The following SCN8A variants were observed in gnomAD, a reference collection of about 807,000 sequenced individuals.
SCN8A encodes the protein sodium channel protein type 8 subunit alpha.
A neutral mutation model predicts 184.1 loss-of-function variants in SCN8A; 30 were observed. The ratio of observed to expected loss-of-function variants is 0.16; its 90% CI spans 0.12 to 0.22. SCN8A has a LOEUF of 0.22. Ranked by LOEUF, SCN8A falls within the 10% of genes least tolerant of loss-of-function variation. The pLI is 1.00. For synonymous variants in SCN8A, 852 were observed against 907.0 expected, an observed-to-expected ratio of 0.94 and a Z score of 1.09; for missense variants, 1,057 against 2,498.9, an observed-to-expected ratio of 0.42 and a Z score of 12.30.
chr12:51,645,391 C>T (rs1476908996), intron 1 of SCN8A, among the ~76,000 whole-genome samples: 1 of 151,830 alleles, frequency 6.6e-6, no homozygotes, highest in Non-Finnish European at 1.5e-5. Context: ...GGCGCCTCTG[C>T]CCGGCCGCGC....
chr12:51,630,485 A>T (rs1397830269), intron 1 of SCN8A, among the ~76,000 whole-genome samples: 4 of 152,160 alleles, frequency 2.6e-5, no homozygotes, highest in African/African-American at 9.7e-5. Flanking sequence ...TTGTGTGCAT[A>T]TACCACATTT....
intron 12 of SCN8A, among the ~76,000 whole-genome samples, chr12:51,744,095 A>C (rs935283228): frequency 6.6e-6 from 1 of 152,250 alleles, no homozygotes; most frequent in African/African-American, 2.4e-5. Context: ...TGAGGCCAGG[A>C]GTTCCAGACC....
At chr12:51,751,081 G>A (rs1942587148) in intron 13 of SCN8A, among the ~76,000 whole-genome samples, 1 of 152,140 alleles carries the variant, frequency 6.6e-6, no homozygotes, top group Non-Finnish European at 1.5e-5. Context: ...CAGGGAGTCA[G>A]ACCTGAGAGG....
chr12:51,800,509 C>G (rs1364498339), intron 26 of SCN8A, among the ~76,000 whole-genome samples: 1 of 152,226 alleles, frequency 6.6e-6, no homozygotes, highest in Non-Finnish European at 1.5e-5. Flanking sequence ...TAGGTAGAAG[C>G]AGCTCTAATG....
At chr12:51,756,462 C>T (rs1235884843) in intron 14 of SCN8A, among the ~76,000 whole-genome samples, 2 of 152,216 alleles carry the variant, frequency 1.3e-5, no homozygotes, top group African/African-American at 2.4e-5. Flanking sequence ...CCTCAGCCCA[C>T]TCCGGGATCT....
At chr12:51,779,962 T>C (rs1937842498) in intron 20 of SCN8A, among the ~76,000 whole-genome samples, 1 of 147,232 alleles carries the variant, frequency 6.8e-6, no homozygotes, top group South Asian at 2.2e-4. Context: ...AAGATAGAGA[T>C]AGAACTCACT....
chr12:51,770,897 C>G (rs576853753), intron 19 of SCN8A, among the ~76,000 whole-genome samples: 64 of 152,178 alleles, frequency 4.2e-4, no homozygotes, highest in Non-Finnish European at 6.6e-4. Flanking sequence ...AGCACTGTCC[C>G]TCTCATGTGT....
At chr12:51,591,447 C>T (rs918335151) in intron 1 of SCN8A, 88 bp downstream of exon 1, 7 of 152,888 alleles carry the variant, frequency 4.6e-5, no homozygotes, top group African/African-American at 1.4e-4. Context: ...CGGGGCTCGC[C>T]CATCTCCAGT....
chr12:51,746,072 A>G (rs970150229), intron 13 of SCN8A, 37 bp downstream of exon 13: 55 of 1,553,244 alleles, frequency 3.5e-5, no homozygotes, highest in African/African-American at 6.9e-5. Flanking sequence ...CCGCTGAGAT[A>G]TAAATATGTA....
At chr12:51,687,592 A>G (rs1941439646) in intron 5 of SCN8A, among the ~76,000 whole-genome samples, 1 of 152,178 alleles carries the variant, frequency 6.6e-6, no homozygotes, top group Admixed American at 6.5e-5. Context: ...TTTCAGCTGA[A>G]AATTAGTTTC....
chr12:51,727,093 G>C (rs922149009), intron 12 of SCN8A, among the ~76,000 whole-genome samples: 2 of 152,202 alleles, frequency 1.3e-5, no homozygotes, highest in African/African-American at 4.8e-5. Context: ...GGCAGAATCT[G>C]CCATCTGCAG....
intron 1 of SCN8A, among the ~76,000 whole-genome samples, chr12:51,614,632 G>C (rs1477291873): frequency 1.3e-5 from 2 of 152,014 alleles, no homozygotes; most frequent in Non-Finnish European, 1.5e-5. Context: ...GTAAGCTACA[G>C]ACTTCATTTG....
chr12:51,794,511 C>T lies in SCN8A; in HGVS notation c.4665C>T (p.Tyr1555=). 2 of 1,614,038 alleles carry T rather than the reference C, an allele frequency of 1.2e-6. No individual in the cohort carries two copies. Among genetic ancestry groups the T allele is most frequent in the Non-Finnish European group, 1.7e-6 (2 of 1,179,898 alleles). Residue 1555 remains tyrosine (Y), a synonymous_variant, in exon 26 of 27, where the codon TAC becomes TAT. Coordinates refer to ENST00000627620, the MANE Select transcript of SCN8A (RefSeq NM_001330260.2). ...TQSKQMENIL[Y]WINLVFVIFF... Reference sequence around the variant, plus strand: ...GCAAGCAGATGGAGAACATCCTCTACTGGATTAACCTGGTGTTTGTTATCT... The same window carrying T: ...GCAAGCAGATGGAGAACATCCTCTATTGGATTAACCTGGTGTTTGTTATCT...
chr12:51,622,190 G>A (rs1245183119), intron 1 of SCN8A, among the ~76,000 whole-genome samples: 2 of 152,188 alleles, frequency 1.3e-5, no homozygotes, highest in Admixed American at 1.3e-4. Flanking sequence ...TAGGTTTACA[G>A]CAAAGTTGCA....
intron 1 of SCN8A, among the ~76,000 whole-genome samples, chr12:51,647,115 A>G (rs184858253): frequency 1.3e-5 from 2 of 152,316 alleles, no homozygotes; most frequent in East Asian, 3.9e-4. Flanking sequence ...AGGCTGAGGC[A>G]GGAGGATTGC....
chr12:51,691,751 T>G (rs1462281915), intron 6 of SCN8A, among the ~76,000 whole-genome samples: 1 of 152,202 alleles, frequency 6.6e-6, no homozygotes, highest in Non-Finnish European at 1.5e-5. Context: ...GAATTAAAAG[T>G]GTGGCTCTCA....
At chr12:51,633,630 C>T (rs1386060872) in intron 1 of SCN8A, among the ~76,000 whole-genome samples, 1 of 152,194 alleles carries the variant, frequency 6.6e-6, no homozygotes, top group Non-Finnish European at 1.5e-5. Flanking sequence ...AGCACTTCCT[C>T]TGTTGCACAT....
intron 11 of SCN8A, chr12:51,713,211 A>G: frequency 8.6e-7 from 1 of 1,159,174 alleles, no homozygotes; most frequent in Non-Finnish European, 1.3e-6. Context: ...CTTCTGTAAT[A>G]CCACCAACAA....
At chr12:51,653,889 C>T (rs1940768906) in intron 1 of SCN8A, among the ~76,000 whole-genome samples, 1 of 152,180 alleles carries the variant, frequency 6.6e-6, no homozygotes, top group Non-Finnish European at 1.5e-5. Flanking sequence ...TAATATTAGA[C>T]ATCCTAATGG....
Sources: allele counts gnomAD v4.1 joint callset (sites outside exome capture counted in the v4.1 genomes callset), GRCh38; gene constraint gnomAD v4.1.1; transcripts MANE v1.5; gene names NCBI Gene and HGNC (gene_info 2026-07-23, HGNC 2026-07-21).